The following TNFSF13B variants were observed in gnomAD, a reference collection of about 807,000 sequenced individuals.
TNFSF13B encodes TNF superfamily member 13b.
Under a neutral mutation model 29.1 loss-of-function variants are expected in TNFSF13B, and 8 were observed. The observed-to-expected ratio is 0.27, with a 90% CI of 0.16 to 0.50. The LOEUF (loss-of-function observed/expected upper bound fraction) is 0.50. Ranked by LOEUF, TNFSF13B falls within the 20% of genes least tolerant of loss-of-function variation. The pLI, the probability that TNFSF13B is intolerant of heterozygous loss-of-function variation, is 0.98. For missense variants in TNFSF13B, 248 were observed against 334.9 expected (o/e 0.74, Z 2.03); for synonymous variants, 125 against 130.8 (o/e 0.96, Z 0.30).
intron 2 of TNFSF13B, among the ~76,000 whole-genome samples, chr13:108,276,951 TA>T (rs1226291754): frequency 3.9e-5 from 6 of 152,332 alleles, no homozygotes; most frequent in African/African-American, 7.2e-5. Flanking sequence ...GTTGTGGTGA[TA>T]TTTTTTTTTT....
At chr13:108,272,229 T>A (rs1335251288) in intron 2 of TNFSF13B, among the ~76,000 whole-genome samples, 1 of 152,130 alleles carries the variant, frequency 6.6e-6, no homozygotes, top group Non-Finnish European at 1.5e-5. Context: ...TTTATAACTG[T>A]CTCCACTTGT....
At position 108,286,804 on chromosome 13, in the gene TNFSF13B, C is replaced by A; in HGVS notation, c.426C>A (p.Val142=). 6.4e-7 allele frequency: 1 copy of A among 1,558,568 alleles called. No individual in the cohort carries two copies. Among genetic ancestry groups the A allele is most frequent in the South Asian group, 1.2e-5 (1 of 85,052 alleles). Residue 142 remains valine (V), a splice_region_variant and synonymous_variant, in exon 3 of 6, where the codon GTC becomes GTA. Coordinates refer to ENST00000375887, the MANE Select transcript of TNFSF13B (RefSeq NM_006573.5). Reference sequence around the variant, plus strand: ...AAATGATAAATTTTTGCTTTTTAGTCACTCAAGACTGCTTGCAACTGATTG... The same window carrying A: ...AAATGATAAATTTTTGCTTTTTAGTAACTCAAGACTGCTTGCAACTGATTG... ...KRAVQGPEET[V]TQDCLQLIAD...
At chr13:108,284,056 C>T (rs1594522486) in intron 2 of TNFSF13B, among the ~76,000 whole-genome samples, 1 of 152,102 alleles carries the variant, frequency 6.6e-6, no homozygotes. Context: ...CATGGCCGGG[C>T]GCAGTGGCTC....
At chr13:108,286,106 C>A (rs1037287384) in intron 2 of TNFSF13B, among the ~76,000 whole-genome samples, 1 of 152,286 alleles carries the variant, frequency 6.6e-6, no homozygotes, top group Middle Eastern at 3.4e-3. Flanking sequence ...AAAAGATGTT[C>A]TATCTCTCTT....
intron 5 of TNFSF13B, 58 bp from the exon 6 acceptor site, chr13:108,306,768 A>ATTCTT: frequency 2.0e-6 from 2 of 1,021,212 alleles, no homozygotes; most frequent in Non-Finnish European, 3.0e-6. Flanking sequence ...TTTATTTAAG[A>ATTCTT]TTCTTTTCTT....
intron 5 of TNFSF13B, 27 bp downstream of exon 5, chr13:108,303,631 A>G (rs1172990655): frequency 1.3e-6 from 2 of 1,587,470 alleles, no homozygotes; most frequent in African/African-American, 1.4e-5. Flanking sequence ...ACACCCTGCT[A>G]ATTGTGAAAT....
intron 2 of TNFSF13B, among the ~76,000 whole-genome samples, chr13:108,270,638 G>T (rs1566395767): frequency 6.6e-6 from 1 of 152,188 alleles, no homozygotes; most frequent in Non-Finnish European, 1.5e-5. Flanking sequence ...AGCAGATCGT[G>T]TGACTGGAAG....
chr13:108,287,621 C>A (rs1037067001), intron 3 of TNFSF13B, among the ~76,000 whole-genome samples: 2 of 151,916 alleles, frequency 1.3e-5, no homozygotes, highest in South Asian at 2.1e-4. Context: ...GACTCAAGAC[C>A]ATCTTCACAA....
rs777070497 is a variant in TNFSF13B at position 108,270,465 on chromosome 13, G to A, written c.424+41G>A. 6 of 1,572,624 alleles carry A rather than the reference G, an allele frequency of 3.8e-6. No homozygotes were observed. The East Asian group carries it at 1.3e-4, about 35-fold the overall frequency. On this transcript the variant is annotated intron_variant, in intron 2 of 5. Transcript: ENST00000375887. ...AGACACTTTTAGGAGTCAGGGATTA[G>A]AGAATAACATCCAGTCTGGGGGAGC...
rs1881682961 is a variant in TNFSF13B, at chr13:108,303,315, G to T, written c.544G>T (p.Glu182Ter). 6.2e-7 allele frequency: 1 copy of T among 1,613,304 alleles called. No individual in the cohort carries two copies. The highest frequency in any genetic ancestry group is 1.3e-5 in the African/African-American group (1 of 74,880). ...AAGGGGAAGTGCCCTAGAAGAAAAA[G>T]AGAATAAAATATTGGTCAAAGAAAC... Reference protein sequence around the residue: ...FKRGSALEEKENKILVKETGY... With the variant: ...FKRGSALEEK The change falls in exon 4 of 6, where the codon GAG becomes TAG. Residue 182 changes from glutamate (E) to a stop codon, truncating the protein, a stop_gained. Coordinates refer to ENST00000375887, the MANE Select transcript of TNFSF13B (RefSeq NM_006573.5). LOFTEE classifies it high-confidence loss of function.
At position 108,270,193 on chromosome 13, in the gene TNFSF13B, G is replaced by A. The variant is rs763268298; in HGVS notation, c.298G>A (p.Ala100Thr). The change falls in exon 1 of 6, where the codon GCC (alanine) becomes ACC (threonine). Residue 100 changes from alanine (A) to threonine (T), a missense_variant. Around this residue, in one of 2 missense-constraint regions of TNFSF13B, gnomAD observed 186 missense variants for 196.3 expected, o/e 0.95. Coordinates refer to ENST00000375887, the MANE Select transcript of TNFSF13B (RefSeq NM_006573.5). ...KLPAGAGAPK[A>T]GLEEAPAVTA... Reference sequence around the variant, plus strand: ...GCCAGCAGGAGCAGGAGCCCCCAAGGCCGGCCTGGAGGAAGCTCCAGCTGT... The same window carrying A: ...GCCAGCAGGAGCAGGAGCCCCCAAGACCGGCCTGGAGGAAGCTCCAGCTGT... 1.6e-5 allele frequency: 25 copies of A among 1,602,418 alleles called. 1 individual carries two copies. Among genetic ancestry groups the A allele is most frequent in the East Asian group, 8.9e-5 (4 of 44,844 alleles).
At position 108,296,206 on chromosome 13, in the gene TNFSF13B, T is replaced by C. The variant is rs1328133245; in HGVS notation, c.482-7047T>C. Among the ~76,000 whole-genome samples the C allele has an allele frequency of 1.4e-5, 2 of 145,814 alleles. 1 individual carries two copies. Among genetic ancestry groups the C allele is most frequent in the Non-Finnish European group, 3.0e-5 (2 of 65,580 alleles). On this transcript the variant is annotated intron_variant, in intron 3 of 5. Transcript: ENST00000375887. Reference sequence around the variant, plus strand: ...CAGGTGAGATACTGAAATCTTCAGCTGTTACTATAGAAATGTCTATTTCTC... The same window carrying C: ...CAGGTGAGATACTGAAATCTTCAGCCGTTACTATAGAAATGTCTATTTCTC...
chr13:108,276,814 C>G (rs1880776282), intron 2 of TNFSF13B, among the ~76,000 whole-genome samples: 1 of 151,872 alleles, frequency 6.6e-6, no homozygotes, highest in Admixed American at 6.6e-5. Flanking sequence ...AAAATAAATT[C>G]AAAATGTTTA....
chr13:108,301,428 A>G (rs1379671011), intron 3 of TNFSF13B: 1 of 152,268 alleles, frequency 6.6e-6, no homozygotes, highest in Non-Finnish European at 1.5e-5. Flanking sequence ...TGGATGAGGA[A>G]AATGTGCAAT....
chr13:108,283,830 G>A (rs1220479923), intron 2 of TNFSF13B, among the ~76,000 whole-genome samples: 2 of 152,166 alleles, frequency 1.3e-5, no homozygotes, highest in African/African-American at 4.8e-5. Context: ...AATAGGGCAA[G>A]CTAGCCCTTT....
upstream of TNFSF13B, chr13:108,269,642 A>G (rs1880551914): frequency 7.1e-6 from 3 of 422,984 alleles, no homozygotes; most frequent in African/African-American, 2.0e-5. Context: ...ATTCTTACAA[A>G]AACTGAAAGT....
At chr13:108,277,350 A>G (rs1046434238) in intron 2 of TNFSF13B, among the ~76,000 whole-genome samples, 1 of 152,240 alleles carries the variant, frequency 6.6e-6, no homozygotes, top group Non-Finnish European at 1.5e-5. Flanking sequence ...CATCTAAATG[A>G]TGACTTCAAT....
intron 3 of TNFSF13B, among the ~76,000 whole-genome samples, chr13:108,289,398 T>C (rs1180938772): frequency 1.3e-5 from 2 of 151,936 alleles, no homozygotes; most frequent in Non-Finnish European, 2.9e-5. Flanking sequence ...TAAATGTGAG[T>C]GTGCATGGGC....
chr13:108,308,221 T>C lies in TNFSF13B; in HGVS notation c.*1283T>C, dbSNP rs1287591232. The C allele has an allele frequency of 6.6e-6, 1 of 152,168 alleles. No homozygotes were observed. Among genetic ancestry groups the C allele is most frequent in the African/African-American group, 2.4e-5 (1 of 41,460 alleles). 9.4% of individuals were successfully genotyped at this position (152,168 alleles called of 1,614,324 possible). ...TATATCAAAATACTTTTCAAGGATA[T>C]ACTTTTCAAAACAAACGATTTAAAT... is the stretch of plus-strand genomic sequence containing the variant. On this transcript the variant is annotated 3_prime_UTR_variant, in exon 6 of 6. Transcript: ENST00000375887.
Sources: allele counts gnomAD v4.1 joint callset (sites outside exome capture counted in the v4.1 genomes callset), GRCh38; gene constraint gnomAD v4.1.1; regional missense constraint gnomAD v4.1.1; transcripts MANE v1.5; gene names NCBI Gene and HGNC (gene_info 2026-07-23, HGNC 2026-07-21).